The following HSF4 variants were observed in gnomAD, a reference collection of about 807,000 sequenced individuals.
HSF4 encodes heat shock factor protein 4.
A neutral mutation model predicts 52.0 loss-of-function variants in HSF4; 41 were observed. The ratio of observed to expected loss-of-function variants is 0.79; its 90% CI spans 0.61 to 1.02. The LOEUF is 1.02. Ranked by LOEUF, HSF4 falls within the 50% of genes least tolerant of loss-of-function variation. The pLI is 0.00. For missense variants in HSF4, 610 were observed against 651.1 expected (o/e 0.94, Z 0.69); for synonymous variants, 285 against 273.0 (o/e 1.04, Z -0.43).
chr16:67,167,857 C>T lies in HSF4; in HGVS notation c.992C>T (p.Ala331Val). ...PPPLPVAVVQ[A>V]ILEGKGSFSP... ...CCACTGCCTGTGGCTGTGGTGCAGG[C>T]CATCCTGGAAGGGAAAGGGAGCTTC... The change falls in exon 9 of 13, where the codon GCC (alanine) becomes GTC (valine). Residue 331 changes from alanine to valine, a missense_variant. Coordinates refer to ENST00000521374, the MANE Select transcript of HSF4 (RefSeq NM_001374675.1). 6.2e-7 allele frequency: 1 copy of T among 1,605,354 alleles called. No individual in the cohort carries two copies. The highest frequency in any genetic ancestry group is 2.2e-5 in the East Asian group (1 of 44,532).
chr16:67,168,530 GAAGA>G (rs61143916), intron 9 of HSF4, among the ~76,000 whole-genome samples: 5,559 of 151,936 alleles, frequency 0.037, 155 homozygotes, highest in South Asian at 0.068. Context: ...AAAAAGAAAG[GAAGA>G]AAGAAAGAAA....
At position 67,165,720 on chromosome 16, in the gene HSF4, C is replaced by A. The variant is rs1292610268; in HGVS notation, c.234C>A (p.Tyr78Ter). The A allele has an allele frequency of 1.2e-6, 2 of 1,611,932 alleles. No homozygotes were observed. Among genetic ancestry groups the A allele is most frequent in the African/African-American group, 1.3e-5 (1 of 74,920 alleles). ...ACGCCCCCACGCCCCACTCCCCAGA[C>A]GGTTTTCGGAAGGTGGTGAGCATCG... ...MASFVRQLNM[Y>*]GFRKVVSIEQ... Residue 78 changes from tyrosine (Y) to a stop codon, truncating the protein, a stop_gained and splice_region_variant, in exon 3 of 13, where the codon TAC (tyrosine) becomes TAA (stop). Transcript: ENST00000521374. LOFTEE classifies it high-confidence loss of function. This position sits in a 1 kb window ranked among gnomAD's most constrained non-coding sequence, Gnocchi z 6.9.
At position 67,165,336 on chromosome 16, in the gene HSF4, C is replaced by G. The variant is rs1295712440; in HGVS notation, c.124-186C>G. ...GCTGGGGGTAGGGACTCACTGTGGTCGCTCCAGGCTAGGCCTCGGAGCCCG... is the reference window on the plus strand; with the variant it reads ...GCTGGGGGTAGGGACTCACTGTGGTGGCTCCAGGCTAGGCCTCGGAGCCCG... On this transcript the variant is annotated intron_variant, in intron 1 of 12. Coordinates refer to ENST00000521374, the MANE Select transcript of HSF4 (RefSeq NM_001374675.1). This position sits in a 1 kb window ranked among gnomAD's most constrained non-coding sequence, Gnocchi z 6.9. 9.6e-6 allele frequency: 6 copies of G among 626,572 alleles called. No individual in the cohort carries two copies. The highest frequency in any genetic ancestry group is 1.1e-5 in the Non-Finnish European group (4 of 354,714). The allele number at this position is 626,572 out of a possible 1,614,324, so 38.8% of individuals were successfully genotyped here. A position where few individuals can be genotyped will look rare whatever the true frequency, so the allele number is the denominator to read the frequency against.
chr16:67,165,342 A>G lies in HSF4; in HGVS notation c.124-180A>G. On this transcript the variant is annotated intron_variant, in intron 1 of 12. Coordinates refer to ENST00000521374, the MANE Select transcript of HSF4 (RefSeq NM_001374675.1). This position sits in a 1 kb window ranked among gnomAD's most constrained non-coding sequence, Gnocchi z 6.9. ...GGTAGGGACTCACTGTGGTCGCTCC[A>G]GGCTAGGCCTCGGAGCCCGTTCTGG... 1 of 642,866 alleles carries G rather than the reference A, an allele frequency of 1.6e-6. No individual in the cohort carries two copies. The highest frequency in any genetic ancestry group is 1.8e-5 in the South Asian group (1 of 56,048). 39.8% of individuals were successfully genotyped at this position (642,866 alleles called of 1,614,324 possible).
intron 6 of HSF4, 104 bp downstream of exon 6, chr16:67,166,726 C>T (rs895478472): frequency 1.7e-5 from 18 of 1,075,294 alleles, no homozygotes; most frequent in Middle Eastern, 5.6e-4. Flanking sequence ...CGGGAATCCT[C>T]ATTCCTCCCC....
intron 9 of HSF4, among the ~76,000 whole-genome samples, chr16:67,168,297 C>A (rs892459052): frequency 1.3e-5 from 2 of 151,740 alleles, no homozygotes; most frequent in South Asian, 2.1e-4. Flanking sequence ...CATGGTGAAA[C>A]CCCCCGCCTC....
chr16:67,165,312 C>A lies in HSF4; in HGVS notation c.124-210C>A. ...AACTGAGTATGGAGTCAGGGTCTGG[C>A]TGGGGGTAGGGACTCACTGTGGTCG... On this transcript the variant is annotated intron_variant, in intron 1 of 12. Coordinates refer to ENST00000521374, the MANE Select transcript of HSF4 (RefSeq NM_001374675.1). This position sits in a 1 kb window ranked among gnomAD's most constrained non-coding sequence, Gnocchi z 6.9. 1.6e-6 allele frequency: 1 copy of A among 609,612 alleles called. No homozygotes were observed. Among genetic ancestry groups the A allele is most frequent in the Non-Finnish European group, 2.9e-6 (1 of 343,936 alleles). The allele number at this position is 609,612 out of a possible 1,614,324, so 37.8% of individuals were successfully genotyped here.
At chr16:67,164,663 C>T (rs1404957827), upstream of HSF4, 26 of 933,374 alleles carry the variant, frequency 2.8e-5, 1 homozygote, top group Admixed American at 4.3e-4. Context: ...CTGTCCGAGC[C>T]CCGCCCCGCG....
chr16:67,166,358 G>T lies in HSF4; in HGVS notation c.524G>T (p.Arg175Leu). The part of the protein sequence containing the change: ...EILWREVVTL[R>L]QSHGQQHRVI... ...TTGTGGCGGGAGGTGGTGACACTTC[G>T]GCAGAGCCACGGTCAGCAGCACCGG... Residue 175 changes from arginine to leucine, a missense_variant, in exon 5 of 13, where the codon CGG becomes CTG. Arg to Leu is a moderately radical substitution (Grantham distance 102, BLOSUM62 -2). Coordinates refer to ENST00000521374, the MANE Select transcript of HSF4 (RefSeq NM_001374675.1). 1 of 1,608,378 alleles carries T rather than the reference G, an allele frequency of 6.2e-7. No individual in the cohort carries two copies. Among genetic ancestry groups the T allele is most frequent in the Non-Finnish European group, 8.5e-7 (1 of 1,177,610 alleles).
At position 67,169,300 on chromosome 16, in the gene HSF4, C is replaced by G. The variant is rs1049785525; in HGVS notation, c.1276C>G (p.Arg426Gly). The stretch of plus-strand genomic sequence containing the variant: ...GCAGATGCAGCCCTTGGTTCCAGAG[C>G]GGGGTGAGCCTGAGCTGGCGGTCAA... ...LSLMQPLVPE[R>G]GEPELAVKGL... The change falls in exon 12 of 13, where the codon CGG (arginine) becomes GGG (glycine). Residue 426 changes from arginine (R) to glycine (G), a missense_variant. Transcript: ENST00000521374. The surrounding 1 kb of genome is among the most constrained non-coding windows in gnomAD (Gnocchi z 4.3). 2 of 1,613,528 alleles carry G rather than the reference C, an allele frequency of 1.2e-6. No individual in the cohort carries two copies. Among genetic ancestry groups the G allele is most frequent in the African/African-American group, 2.7e-5 (2 of 74,914 alleles).
At chr16:67,164,047 C>A (rs1447695815), upstream of HSF4, 3 of 717,080 alleles carry the variant, frequency 4.2e-6, no homozygotes, top group Admixed American at 4.0e-5. Flanking sequence ...CCTGGACACA[C>A]TGCCCCCCTC....
chr16:67,167,971 A>G, intron 9 of HSF4, 24 bp downstream of exon 9: 1 of 1,545,776 alleles, frequency 6.5e-7, no homozygotes, highest in Non-Finnish European at 8.7e-7. Context: ...CAGCTGGCCC[A>G]TGAGCCCTGT....
rs2031625625 is a variant in HSF4, at chr16:67,169,830, C to T, written c.*45C>T. 2 of 1,611,440 alleles carry T rather than the reference C, an allele frequency of 1.2e-6. No individual in the cohort carries two copies. The highest frequency in any genetic ancestry group is 1.7e-6 in the Non-Finnish European group (2 of 1,178,864). On this transcript the variant is annotated 3_prime_UTR_variant, in exon 13 of 13. Transcript: ENST00000521374. This position sits in a 1 kb window ranked among gnomAD's most constrained non-coding sequence, Gnocchi z 4.3. Reference sequence around the variant, plus strand: ...GGCTTGGAACCAGTCCGCCGCTGCACATCCTTCTTGGCTTCCTGGCGCCCC... The same window carrying T: ...GGCTTGGAACCAGTCCGCCGCTGCATATCCTTCTTGGCTTCCTGGCGCCCC...
chr16:67,164,306 C>CCA (rs2031078021), upstream of HSF4: 1 of 385,978 alleles, frequency 2.6e-6, no homozygotes, highest in African/African-American at 2.1e-5. Flanking sequence ...TGCGGGGGGT[C>CCA]AGGGTCGGGG....
At position 67,169,596 on chromosome 16, in the gene HSF4, A is replaced by G; in HGVS notation, c.1325-35A>G. 6.2e-7 allele frequency: 1 copy of G among 1,601,808 alleles called. No homozygotes were observed. The highest frequency in any genetic ancestry group is 1.1e-5 in the South Asian group (1 of 91,074). On this transcript the variant is annotated intron_variant, in intron 12 of 12. Transcript: ENST00000521374. This position sits in a 1 kb window ranked among gnomAD's most constrained non-coding sequence, Gnocchi z 4.3. Reference sequence around the variant, plus strand: ...CTTCCCTGAAGAAAGGAGGGGGAACATTTCCCCTGGTGAGCGCAGTCCCAC... The same window carrying G: ...CTTCCCTGAAGAAAGGAGGGGGAACGTTTCCCCTGGTGAGCGCAGTCCCAC...
chr16:67,167,021 C>T, intron 6 of HSF4, 99 bp from the exon 7 acceptor site: 1 of 1,554,628 alleles, frequency 6.4e-7, no homozygotes, highest in Non-Finnish European at 8.8e-7. Context: ...GCTCTGCTGA[C>T]TTGGCTGCTG....
rs779270389 is a variant in HSF4 at position 67,167,280 on chromosome 16, T to C, written c.729+58T>C. ...ATGGCTGGGCTTATGGAGAGCCTGTTCCTTCTCCCCATCCCCTAAAAGGAA... is the reference window on the plus strand; with the variant it reads ...ATGGCTGGGCTTATGGAGAGCCTGTCCCTTCTCCCCATCCCCTAAAAGGAA... On this transcript the variant is annotated intron_variant, in intron 7 of 12. Coordinates refer to ENST00000521374, the MANE Select transcript of HSF4 (RefSeq NM_001374675.1). 14 of 1,612,514 alleles carry C rather than the reference T, an allele frequency of 8.7e-6. 1 individual carries two copies. Among genetic ancestry groups the C allele is most frequent in the Middle Eastern group, 1.6e-4 (1 of 6,062 alleles).
rs1479656005 is a variant in HSF4, at chr16:67,167,923, G to A, written c.1058G>A (p.Gly353Glu). Residue 353 changes from glycine (G) to glutamate (E), a missense_variant, in exon 9 of 13, where the codon GGG (glycine) becomes GAG (glutamate). Coordinates refer to ENST00000521374, the MANE Select transcript of HSF4 (RefSeq NM_001374675.1). ...GPRNAQQPEP[G>E]DPREIPDRGP... is the part of the protein sequence containing the mutation. ...AGGAATGCCCAACAGCCTGAACCAG[G>A]GGATCCCAGGGAGATACCTGACAGG... 11 of 1,597,516 alleles carry A rather than the reference G, an allele frequency of 6.9e-6. No individual in the cohort carries two copies. The African/African-American group carries it at 8.0e-5, about 12-fold the overall frequency.
At position 67,165,247 on chromosome 16, in the gene HSF4, A is replaced by G; in HGVS notation, c.124-275A>G. 1.7e-6 allele frequency: 1 copy of G among 594,458 alleles called. No individual in the cohort carries two copies. Among genetic ancestry groups the G allele is most frequent in the South Asian group, 2.0e-5 (1 of 49,642 alleles). The allele number at this position is 594,458 out of a possible 1,614,324, so 36.8% of individuals were successfully genotyped here. On this transcript the variant is annotated intron_variant, in intron 1 of 12. Coordinates refer to ENST00000521374, the MANE Select transcript of HSF4 (RefSeq NM_001374675.1). The surrounding 1 kb of genome is among the most constrained non-coding windows in gnomAD (Gnocchi z 6.9). Reference sequence around the variant, plus strand: ...AAGGGCTGGTCTAGCTCAGGGTCACATTGCGGGGCTGGGAACCCCGTCAGC... The same window carrying G: ...AAGGGCTGGTCTAGCTCAGGGTCACGTTGCGGGGCTGGGAACCCCGTCAGC...
Sources: gnomAD v4.1 joint callset for allele counts (sites outside exome capture counted in the v4.1 genomes callset) on GRCh38, gnomAD v4.1.1 for gene constraint, Gnocchi (gnomAD v3.1) non-coding constraint, MANE v1.5 for transcripts, NCBI Gene and HGNC (gene_info 2026-07-23, HGNC 2026-07-21) for gene names.